TENM4: variants seen among roughly 807,000 people sequenced by gnomAD.
TENM4 encodes teneurin-4.
Under a neutral mutation model 243.3 loss-of-function variants are expected in TENM4, and 82 were observed. The observed-to-expected ratio is 0.34, with a 90% CI of 0.28 to 0.40. The LOEUF (loss-of-function observed/expected upper bound fraction) is 0.40, where lower values mean the gene tolerates loss of function less well. Ranked by LOEUF, TENM4 falls within the 10% of genes least tolerant of loss-of-function variation. TENM4 has a pLI of 1.00. For missense variants in TENM4, 3,138 were observed against 3,673.3 expected (o/e 0.85, Z 3.77); for synonymous variants, 1,412 against 1,456.3 (o/e 0.97, Z 0.69).
At chr11:78,942,775 C>G (rs954566795) in intron 6 of TENM4, among the ~76,000 whole-genome samples, 1 of 151,308 alleles carries the variant, frequency 6.6e-6, no homozygotes, top group Non-Finnish European at 1.5e-5. Context: ...CCCTCTCCCC[C>G]TCCTACGTAA....
chr11:78,947,632 C>T (rs572911614), intron 6 of TENM4, among the ~76,000 whole-genome samples: 56 of 152,310 alleles, frequency 3.7e-4, no homozygotes, highest in African/African-American at 1.2e-3. Context: ...CAAGGCTGAC[C>T]CAACTTTAAG....
In TENM4 at chr11:79,344,245, C is replaced by G. The variant is rs1448853001; in HGVS notation, c.-320-46702G>C. 2.6e-5 allele frequency among the ~76,000 whole-genome samples: 4 copies of G among 152,144 alleles called. No individual in the cohort carries two copies. The South Asian group carries it at 8.3e-4, about 32-fold the overall frequency. Reference sequence around the variant, plus strand: ...GCTAAGTACTCCTGAGTTTTTCAACCATTACTCACACAGGTGGCAGAGGGG... The same window carrying G: ...GCTAAGTACTCCTGAGTTTTTCAACGATTACTCACACAGGTGGCAGAGGGG... On this transcript the variant is annotated intron_variant, in intron 1 of 33. Transcript: ENST00000278550.
intron 6 of TENM4, among the ~76,000 whole-genome samples, chr11:79,049,753 T>C (rs139555520): frequency 3.8e-4 from 58 of 152,342 alleles, no homozygotes; most frequent in African/African-American, 1.3e-3. Context: ...CCTATGTGAC[T>C]AGCACCTGAT....
At chr11:79,312,763 G>T (rs1856742858) in intron 1 of TENM4, among the ~76,000 whole-genome samples, 1 of 152,304 alleles carries the variant, frequency 6.6e-6, no homozygotes, top group East Asian at 1.9e-4. Flanking sequence ...GTGGTGAGGT[G>T]CAAGATGGAA....
intron 4 of TENM4, among the ~76,000 whole-genome samples, chr11:79,128,525 G>A (rs184010017): frequency 3.9e-5 from 6 of 152,302 alleles, no homozygotes; most frequent in African/African-American, 9.6e-5. Flanking sequence ...TTCTCTCCCC[G>A]AGCCTGCACC....
At chr11:78,874,224 CCTGA>C (rs1859207039) in intron 9 of TENM4, among the ~76,000 whole-genome samples, 1 of 152,006 alleles carries the variant, frequency 6.6e-6, no homozygotes, top group South Asian at 2.1e-4. Flanking sequence ...ACTTAACCAA[CCTGA>C]CTCTTAGTTT....
At chr11:78,899,925 C>A (rs1021490953) in intron 7 of TENM4, among the ~76,000 whole-genome samples, 2 of 152,214 alleles carry the variant, frequency 1.3e-5, no homozygotes, top group South Asian at 2.1e-4. Context: ...AAATTACCCA[C>A]CCTCAGGCAT....
chr11:79,252,103 G>C (rs1203497828), intron 2 of TENM4, among the ~76,000 whole-genome samples: 1 of 152,180 alleles, frequency 6.6e-6, no homozygotes, highest in Non-Finnish European at 1.5e-5. Context: ...TCGGAGTGTT[G>C]GTTTTCTTTT....
intron 12 of TENM4, among the ~76,000 whole-genome samples, chr11:78,828,752 C>T (rs572833925): frequency 3.9e-5 from 6 of 152,362 alleles, no homozygotes; most frequent in African/African-American, 1.2e-4. Context: ...AGAAACTGCC[C>T]AGTGGCAAAA....
intron 1 of TENM4, among the ~76,000 whole-genome samples, chr11:79,326,039 A>G (rs1436963177): frequency 6.6e-6 from 1 of 152,198 alleles, no homozygotes; most frequent in East Asian, 1.9e-4. Flanking sequence ...GCCTATTATT[A>G]ACCACCACCC....
intron 6 of TENM4, among the ~76,000 whole-genome samples, chr11:78,920,002 G>A (rs1856413627): frequency 6.6e-6 from 1 of 152,070 alleles, no homozygotes; most frequent in South Asian, 2.1e-4. Flanking sequence ...TCGTATGCAT[G>A]CATATGTCCC....
intron 1 of TENM4, among the ~76,000 whole-genome samples, chr11:79,425,412 C>A (rs1488550531): frequency 2.0e-5 from 3 of 152,188 alleles, no homozygotes; most frequent in Non-Finnish European, 4.4e-5. Flanking sequence ...GCCAGCTCTC[C>A]CCACATCCCT....
At chr11:79,409,563 C>T (rs1461672411) in intron 1 of TENM4, among the ~76,000 whole-genome samples, 1 of 151,750 alleles carries the variant, frequency 6.6e-6, no homozygotes, top group Admixed American at 6.6e-5. Flanking sequence ...GGAAGAATAG[C>T]CCCCCCGGAA....
chr11:79,325,161 T>G (rs509700), intron 1 of TENM4, among the ~76,000 whole-genome samples: 128,228 of 152,168 alleles, frequency 0.84, 54,647 homozygotes, highest in African/African-American at 0.95. Flanking sequence ...TGGCATCTTT[T>G]AGCTGGCTCT....
At chr11:79,091,106 A>C (rs1860937323) in intron 4 of TENM4, among the ~76,000 whole-genome samples, 1 of 152,174 alleles carries the variant, frequency 6.6e-6, no homozygotes, top group Admixed American at 6.5e-5. Flanking sequence ...GGTCCAGCCT[A>C]GGCGCTTACT....
intron 2 of TENM4, among the ~76,000 whole-genome samples, chr11:79,229,435 T>C (rs1028694918): frequency 2.6e-5 from 4 of 152,342 alleles, no homozygotes; most frequent in Non-Finnish European, 5.9e-5. Flanking sequence ...TTCATGTCTA[T>C]ACTTTTGCTG....
intron 1 of TENM4, among the ~76,000 whole-genome samples, chr11:79,435,270 C>A (rs1003990936): frequency 6.6e-6 from 1 of 152,146 alleles, no homozygotes; most frequent in African/African-American, 2.4e-5. Context: ...ACCCCGGAAG[C>A]AATAGGCACA....
chr11:78,880,004 C>A (rs991424128), intron 9 of TENM4, among the ~76,000 whole-genome samples: 3 of 151,740 alleles, frequency 2.0e-5, no homozygotes, highest in Non-Finnish European at 2.9e-5. Context: ...GCGGTTTTGT[C>A]GAAAAGCAAA....
rs374977802 is a variant in TENM4, at chr11:78,761,490, C to T, written c.2540-4469G>A. On this transcript the variant is annotated intron_variant, in intron 18 of 33. Coordinates refer to ENST00000278550, the MANE Select transcript of TENM4 (RefSeq NM_001098816.3). Reference sequence around the variant, plus strand: ...TCCTGACCTCGTGATCCACCTGCCTCGGCCTCCCAAAGTGCTGGGATTACA... The same window carrying T: ...TCCTGACCTCGTGATCCACCTGCCTTGGCCTCCCAAAGTGCTGGGATTACA... Among the ~76,000 whole-genome samples the T allele has an allele frequency of 6.8e-3, 1,040 of 152,182 alleles. 7 individuals carry two copies. Among genetic ancestry groups the T allele is most frequent in the African/African-American group, 0.024 (994 of 41,526 alleles).
Sources: allele counts gnomAD v4.1 joint callset (sites outside exome capture counted in the v4.1 genomes callset), GRCh38; gene constraint gnomAD v4.1.1; transcripts MANE v1.5; gene names NCBI Gene and HGNC (gene_info 2026-07-23, HGNC 2026-07-21).